The following SRPK2 variants were observed in gnomAD, a reference collection of about 807,000 sequenced individuals.
SRPK2 encodes the protein SFRS protein kinase 2.
A neutral mutation model predicts 90.8 loss-of-function variants in SRPK2; 21 were observed. The observed-to-expected ratio is 0.23, with a 90% confidence interval of 0.16 to 0.33. The LOEUF is 0.33. SRPK2 is among the 10% of genes least tolerant of loss of function. The pLI, the probability that SRPK2 is intolerant of heterozygous loss-of-function variation, is 1.00. For synonymous variants in SRPK2, 288 were observed against 311.1 expected, an observed-to-expected ratio of 0.93 and a Z score of 0.78; for missense variants, 620 against 869.0, an observed-to-expected ratio of 0.71 and a Z score of 3.60.
chr7:105,123,385 GCC>G (rs1265078749), intron 15 of SRPK2, among the ~76,000 whole-genome samples: 2 of 152,162 alleles, frequency 1.3e-5, no homozygotes, highest in Admixed American at 1.3e-4. Flanking sequence ...ATGAAAATCT[GCC>G]TCTGACCCAG....
chr7:105,348,197 C>G, intron 2 of SRPK2, among the ~76,000 whole-genome samples: 1 of 149,662 alleles, frequency 6.7e-6, no homozygotes, highest in East Asian at 2.0e-4. Context: ...TCAGCCTCCT[C>G]AGTAGCTGGG....
chr7:105,258,933 C>A (rs1585402334), intron 2 of SRPK2, among the ~76,000 whole-genome samples: 1 of 152,288 alleles, frequency 6.6e-6, no homozygotes, highest in South Asian at 2.1e-4. Flanking sequence ...CAATATCATA[C>A]TGAATGGACA....
chr7:105,373,666 G>A (rs1290963618), intron 2 of SRPK2, among the ~76,000 whole-genome samples: 1 of 152,018 alleles, frequency 6.6e-6, no homozygotes, highest in African/African-American at 2.4e-5. Flanking sequence ...GCCTCCCAAA[G>A]TGCTGGGATT....
rs13308828 is a variant in SRPK2 at position 105,176,621 on chromosome 7, G to A, written c.230-7356C>T. Among the ~76,000 whole-genome samples, 242 of 147,646 alleles carry A rather than the reference G, an allele frequency of 1.6e-3. 4 individuals are homozygous for A. The South Asian group carries it at 0.021, about 13-fold the overall frequency. On this transcript the variant is annotated intron_variant, in intron 3 of 15. Coordinates refer to ENST00000393651, the MANE Select transcript of SRPK2 (RefSeq NM_182692.3). ...TGTGTGTGTGTGTGTATACGTGTGT[G>A]TATATATATATATGCACAGTGGCAT...
intron 2 of SRPK2, among the ~76,000 whole-genome samples, chr7:105,384,225 G>A (rs1821280328): frequency 6.6e-6 from 1 of 152,120 alleles, no homozygotes. Context: ...ATGTGATGTA[G>A]CTAATTCCTA....
At chr7:105,337,563 C>T (rs113404406) in intron 2 of SRPK2, among the ~76,000 whole-genome samples, 63,555 of 151,730 alleles carry the variant, frequency 0.42, 15,249 homozygotes, top group Non-Finnish European at 0.54. Flanking sequence ...GATCCACCCA[C>T]CTCAGCCTCC....
chr7:105,393,997 T>C (rs115499752), upstream of SRPK2, among the ~76,000 whole-genome samples: 1,494 of 152,192 alleles, frequency 9.8e-3, 34 homozygotes, highest in African/African-American at 0.035. Flanking sequence ...CACTCCCCAT[T>C]TCCTCCAACT....
At chr7:105,253,677 C>G (rs1047726855) in intron 2 of SRPK2, among the ~76,000 whole-genome samples, 2 of 152,140 alleles carry the variant, frequency 1.3e-5, no homozygotes, top group Non-Finnish European at 2.9e-5. Context: ...CCCTGTCCCC[C>G]ACAAAAGTAA....
At chr7:105,280,978 A>C (rs112465910) in intron 2 of SRPK2, among the ~76,000 whole-genome samples, 5 of 121,162 alleles carry the variant, frequency 4.1e-5, no homozygotes, top group South Asian at 2.8e-4. Context: ...AAAAAAAAAA[A>C]AAAAAAACCT....
chr7:105,131,898 C>T (rs973793654), intron 13 of SRPK2, among the ~76,000 whole-genome samples: 23 of 152,120 alleles, frequency 1.5e-4, no homozygotes, highest in South Asian at 2.1e-4. Flanking sequence ...CAACACGGAA[C>T]GCCTAAGTAA....
intron 2 of SRPK2, among the ~76,000 whole-genome samples, chr7:105,361,688 G>C (rs904275800): frequency 4.6e-5 from 7 of 152,160 alleles, no homozygotes; most frequent in Admixed American, 6.5e-5. Context: ...ACAACCATCT[G>C]ATCTTTGACA....
At chr7:105,140,385 G>A (rs1803535011) in intron 11 of SRPK2, among the ~76,000 whole-genome samples, 1 of 152,156 alleles carries the variant, frequency 6.6e-6, no homozygotes, top group Admixed American at 6.5e-5. Context: ...CAGATCACCT[G>A]AGGTCAGGCA....
At chr7:105,185,723 C>G (rs960630894) in intron 3 of SRPK2, among the ~76,000 whole-genome samples, 1 of 152,130 alleles carries the variant, frequency 6.6e-6, no homozygotes, top group Non-Finnish European at 1.5e-5. Context: ...GAGCCTCACT[C>G]GAAAGCCCCA....
chr7:105,304,202 G>C (rs1226591295), intron 2 of SRPK2: 8 of 152,184 alleles, frequency 5.3e-5, no homozygotes, highest in Non-Finnish European at 1.2e-4. Flanking sequence ...CTGTGGCTTA[G>C]AAACTAGTTT....
At chr7:105,272,563 A>G (rs779267633) in intron 2 of SRPK2, among the ~76,000 whole-genome samples, 1 of 151,992 alleles carries the variant, frequency 6.6e-6, no homozygotes, top group Admixed American at 6.6e-5. Flanking sequence ...GGTACTTTGC[A>G]AGACCGTTAT....
intron 2 of SRPK2, among the ~76,000 whole-genome samples, chr7:105,248,925 CAA>C (rs374019072): frequency 7.2e-5 from 8 of 111,208 alleles, no homozygotes; most frequent in African/African-American, 1.1e-4. Context: ...AGCTCCATCT[CAA>C]AAAAAAAAAA....
At chr7:105,210,982 C>G (rs1365816599) in intron 2 of SRPK2, among the ~76,000 whole-genome samples, 4 of 152,170 alleles carry the variant, frequency 2.6e-5, no homozygotes, top group Middle Eastern at 3.2e-3. Flanking sequence ...AACCAGTGAG[C>G]TGGAAAAGAA....
intron 15 of SRPK2, chr7:105,125,929 C>T: frequency 1.1e-6 from 1 of 949,938 alleles, no homozygotes; most frequent in Non-Finnish European, 1.5e-6. Flanking sequence ...TTAATCAGTA[C>T]ACTGCATGCA....
chr7:105,360,264 CTA>C (rs1416363203), intron 2 of SRPK2, among the ~76,000 whole-genome samples: 12 of 152,122 alleles, frequency 7.9e-5, no homozygotes, highest in Non-Finnish European at 1.2e-4. Flanking sequence ...TATTTTGAGA[CTA>C]TGTGTGTCTC....
Sources: allele counts gnomAD v4.1 joint callset (sites outside exome capture counted in the v4.1 genomes callset), GRCh38; gene constraint gnomAD v4.1.1; transcripts MANE v1.5; gene names NCBI Gene and HGNC (gene_info 2026-07-23, HGNC 2026-07-21).